ITGBL1: variants seen among roughly 807,000 people sequenced by gnomAD.
ITGBL1 encodes the protein integrin beta-like protein 1.
ITGBL1 carries 51 observed loss-of-function variants against 68.5 expected under a neutral mutation model. The ratio of observed to expected loss-of-function variants is 0.74; its 90% CI spans 0.59 to 0.94. The LOEUF (loss-of-function observed/expected upper bound fraction) is 0.94, where lower values mean the gene tolerates loss of function less well. Among genes scored for constraint, ITGBL1 ranks in the 40% least tolerant of loss-of-function variants. The pLI, the probability that ITGBL1 is intolerant of heterozygous loss-of-function variation, is 0.00. For missense variants in ITGBL1, 649 were observed against 647.4 expected, an observed-to-expected ratio of 1.00 and a Z score of -0.03; for synonymous variants, 209 against 227.3, an observed-to-expected ratio of 0.92 and a Z score of 0.72.
At chr13:101,541,281 C>G (rs572854372) in intron 2 of ITGBL1, among the ~76,000 whole-genome samples, 1 of 152,024 alleles carries the variant, frequency 6.6e-6, no homozygotes, top group African/African-American at 2.4e-5. Flanking sequence ...TGAATTTTGT[C>G]AAAGGCCTTT....
intron 2 of ITGBL1, among the ~76,000 whole-genome samples, chr13:101,522,218 C>T (rs964933425): frequency 2.0e-5 from 3 of 151,940 alleles, no homozygotes; most frequent in East Asian, 3.9e-4. Flanking sequence ...CTTCAACATA[C>T]GAATGTTGGG....
chr13:101,472,225 A>G (rs926593117), intron 2 of ITGBL1, among the ~76,000 whole-genome samples: 2 of 152,194 alleles, frequency 1.3e-5, no homozygotes, highest in African/African-American at 4.8e-5. Context: ...GCACTGAAAT[A>G]TATCCAATAT....
intron 6 of ITGBL1, among the ~76,000 whole-genome samples, chr13:101,584,310 AAAAG>A (rs1407292991): frequency 6.6e-6 from 1 of 152,216 alleles, no homozygotes; most frequent in Non-Finnish European, 1.5e-5. Flanking sequence ...AGTGCAAAGA[AAAAG>A]AAAGCAGTCA....
chr13:101,598,387 T>G (rs1048650211), intron 7 of ITGBL1, 88 bp downstream of exon 7: 2 of 1,106,360 alleles, frequency 1.8e-6, no homozygotes, highest in Non-Finnish European at 2.4e-6. Context: ...TTTGTTTGTT[T>G]GTTTTTTGTT....
chr13:101,517,614 C>G (rs1349245351), intron 2 of ITGBL1, among the ~76,000 whole-genome samples: 1 of 152,148 alleles, frequency 6.6e-6, no homozygotes, highest in Admixed American at 6.6e-5. Context: ...TATCATAATC[C>G]TACATCCTGA....
At chr13:101,598,668 G>A (rs1428387045) in intron 7 of ITGBL1, among the ~76,000 whole-genome samples, 1 of 152,020 alleles carries the variant, frequency 6.6e-6, no homozygotes, top group South Asian at 2.1e-4. Context: ...TCCCACCTAT[G>A]AGTGAGAATA....
intron 2 of ITGBL1, among the ~76,000 whole-genome samples, chr13:101,490,175 A>G (rs2048755846): frequency 1.3e-5 from 2 of 152,092 alleles, no homozygotes. Flanking sequence ...CCATAATGGG[A>G]TCAGTACCTT....
At chr13:101,700,531 A>G (rs1305813764) in intron 8 of ITGBL1, among the ~76,000 whole-genome samples, 1 of 152,194 alleles carries the variant, frequency 6.6e-6, no homozygotes, top group Non-Finnish European at 1.5e-5. Context: ...TAGTTGCCAA[A>G]TGAGTTTGCA....
At chr13:101,703,165 C>T (rs2034173456) in intron 8 of ITGBL1, among the ~76,000 whole-genome samples, 1 of 130,562 alleles carries the variant, frequency 7.7e-6, no homozygotes, top group African/African-American at 3.0e-5. Flanking sequence ...AAAAAAGTTC[C>T]ACAGGAGGTA....
At chr13:101,690,449 A>G (rs1179477024) in intron 7 of ITGBL1, among the ~76,000 whole-genome samples, 2 of 152,200 alleles carry the variant, frequency 1.3e-5, no homozygotes, top group South Asian at 2.1e-4. Context: ...AACTGGTTCT[A>G]TGTAACTGGA....
chr13:101,498,141 T>A (rs575354988), intron 2 of ITGBL1, among the ~76,000 whole-genome samples: 100 of 152,276 alleles, frequency 6.6e-4, no homozygotes, highest in African/African-American at 2.3e-3. Context: ...TTCTTTTTTT[T>A]AAATTTTGTA....
intron 2 of ITGBL1, among the ~76,000 whole-genome samples, chr13:101,511,272 T>G (rs2049111533): frequency 6.6e-6 from 1 of 152,144 alleles, no homozygotes; most frequent in Non-Finnish European, 1.5e-5. Flanking sequence ...TTCACCTATT[T>G]AGGCCTTATC....
intron 2 of ITGBL1, among the ~76,000 whole-genome samples, chr13:101,466,081 A>G (rs2048378303): frequency 6.6e-6 from 1 of 152,164 alleles, no homozygotes; most frequent in African/African-American, 2.4e-5. Context: ...CAACTAAACT[A>G]TGGCCAACTT....
At chr13:101,624,658 G>T (rs1404600524) in intron 7 of ITGBL1, among the ~76,000 whole-genome samples, 1 of 152,176 alleles carries the variant, frequency 6.6e-6, no homozygotes, top group Non-Finnish European at 1.5e-5. Flanking sequence ...ACCATTTGGA[G>T]AATCAGGCAG....
At chr13:101,459,188 A>G (rs2048284897) in intron 2 of ITGBL1, among the ~76,000 whole-genome samples, 1 of 152,144 alleles carries the variant, frequency 6.6e-6, no homozygotes, top group Non-Finnish European at 1.5e-5. Context: ...GCAGAAAGAG[A>G]TTCTGATTTC....
Sources: allele counts gnomAD v4.1 joint callset (sites outside exome capture counted in the v4.1 genomes callset), GRCh38; gene constraint gnomAD v4.1.1; transcripts MANE v1.5; gene names NCBI Gene and HGNC (gene_info 2026-07-23, HGNC 2026-07-21).